The following PRKCH variants were observed in gnomAD, a reference collection of about 807,000 sequenced individuals.
PRKCH encodes the protein protein kinase C eta type.
Under a neutral mutation model 82.5 loss-of-function variants are expected in PRKCH, and 28 were observed. The ratio of observed to expected loss-of-function variants is 0.34; its 90% CI spans 0.25 to 0.47. The LOEUF is 0.47. Among genes scored for constraint, PRKCH ranks in the 20% least tolerant of loss-of-function variants. The pLI, the probability that PRKCH is intolerant of heterozygous loss-of-function variation, is 1.00. For synonymous variants in PRKCH, 322 were observed against 327.4 expected, an observed-to-expected ratio of 0.98 and a Z score of 0.18; for missense variants, 705 against 881.8, an observed-to-expected ratio of 0.80 and a Z score of 2.54.
chr14:61,532,681 T>C (rs35233887), intron 12 of PRKCH, among the ~76,000 whole-genome samples: 11,149 of 152,264 alleles, frequency 0.073, 566 homozygotes, highest in East Asian at 0.22. Context: ...GCTCAGTTAC[T>C]TCAAGCTATA....
chr14:61,548,994 C>T (rs2043294465), intron 13 of PRKCH, among the ~76,000 whole-genome samples: 3 of 151,960 alleles, frequency 2.0e-5, no homozygotes, highest in Admixed American at 2.0e-4. Flanking sequence ...CTTTTAAAAA[C>T]ATACAGTGCA....
chr14:61,513,577 A>C (rs917532785), intron 10 of PRKCH, among the ~76,000 whole-genome samples: 6 of 152,296 alleles, frequency 3.9e-5, no homozygotes, highest in Admixed American at 2.6e-4. Context: ...TTCCTTTTTC[A>C]GTCCGTTTAG....
intron 2 of PRKCH, among the ~76,000 whole-genome samples, chr14:61,395,193 G>T (rs1485924543): frequency 6.6e-6 from 1 of 151,824 alleles, no homozygotes; most frequent in Non-Finnish European, 1.5e-5. Flanking sequence ...GGCTCAGCTT[G>T]AGCTTGCACG....
chr14:61,302,994 T>G (rs1035450439), intron 1 of PRKCH: 2 of 151,516 alleles, frequency 1.3e-5, no homozygotes, highest in African/African-American at 4.9e-5. Context: ...ATTACAGATT[T>G]GTATATTTGT....
chr14:61,466,987 T>C (rs1239198650), intron 9 of PRKCH, among the ~76,000 whole-genome samples: 1 of 152,194 alleles, frequency 6.6e-6, no homozygotes, highest in East Asian at 1.9e-4. Context: ...TGGCACAAAA[T>C]GATCTCACGT....
chr14:61,468,348 G>T (rs1325660986), intron 9 of PRKCH, among the ~76,000 whole-genome samples: 3 of 151,898 alleles, frequency 2.0e-5, no homozygotes, highest in African/African-American at 7.3e-5. Context: ...TTTTTTTTAG[G>T]TTATTAATTG....
intron 1 of PRKCH, among the ~76,000 whole-genome samples, chr14:61,325,604 A>G (rs994016244): frequency 2.6e-5 from 4 of 152,218 alleles, no homozygotes; most frequent in Non-Finnish European, 4.4e-5. Context: ...TAAAAAAATC[A>G]GTAAGTTGGA....
intron 1 of PRKCH, chr14:61,277,577 C>T (rs183132113): frequency 2.0e-5 from 3 of 152,294 alleles, no homozygotes; most frequent in East Asian, 1.9e-4. Context: ...TGCAGGAAAA[C>T]GTTTCCCATT....
intron 1 of PRKCH, among the ~76,000 whole-genome samples, chr14:61,243,025 T>G (rs1221503542): frequency 2.6e-5 from 4 of 152,114 alleles, no homozygotes; most frequent in Middle Eastern, 3.4e-3. Flanking sequence ...TACAGAGAAG[T>G]CTAGAAGACT....
chr14:61,457,970 T>C (rs1884856128), intron 9 of PRKCH, among the ~76,000 whole-genome samples: 1 of 152,142 alleles, frequency 6.6e-6, no homozygotes, highest in Non-Finnish European at 1.5e-5. Flanking sequence ...GAAGTGAAGG[T>C]GAATGAAAGT....
chr14:61,325,900 A>G (rs1468891856), intron 1 of PRKCH, among the ~76,000 whole-genome samples: 4 of 152,216 alleles, frequency 2.6e-5, no homozygotes, highest in Admixed American at 2.6e-4. Flanking sequence ...AATTAAAACC[A>G]AAATGAGATC....
intron 1 of PRKCH, chr14:61,281,109 G>T (rs986879178): frequency 1.5e-5 from 21 of 1,446,108 alleles, no homozygotes; most frequent in African/African-American, 1.2e-4. Flanking sequence ...CGGTGTTGTC[G>T]GGCTGGTGGG....
intron 5 of PRKCH, among the ~76,000 whole-genome samples, chr14:61,449,815 TGCTG>T (rs1276518237): frequency 1.3e-5 from 2 of 152,044 alleles, no homozygotes; most frequent in Non-Finnish European, 2.9e-5. Context: ...GTAAAAAGAT[TGCTG>T]GCTTTCTCCA....
intron 1 of PRKCH, among the ~76,000 whole-genome samples, chr14:61,207,099 T>G (rs1366035234): frequency 2.6e-5 from 2 of 76,536 alleles, no homozygotes; most frequent in Admixed American, 2.3e-4. Flanking sequence ...AGAGTGAAAC[T>G]CCATCTCAAA....
At chr14:61,247,426 G>C (rs779634684) in intron 1 of PRKCH, among the ~76,000 whole-genome samples, 1 of 152,042 alleles carries the variant, frequency 6.6e-6, no homozygotes, top group African/African-American at 2.4e-5. Context: ...ATGATGTTTG[G>C]TAGAATGAAT....
chr14:61,524,316 C>A (rs1261303579), intron 10 of PRKCH, among the ~76,000 whole-genome samples: 1 of 152,250 alleles, frequency 6.6e-6, no homozygotes, highest in African/African-American at 2.4e-5. Flanking sequence ...CCAGCAAGAA[C>A]AATGTAGCTT....
chr14:61,290,897 A>G (rs61993663), intron 1 of PRKCH, among the ~76,000 whole-genome samples: 6,570 of 152,300 alleles, frequency 0.043, 226 homozygotes, highest in East Asian at 0.14. Flanking sequence ...ATGTTTTAAT[A>G]AGCCAGCAAG....
intron 1 of PRKCH, among the ~76,000 whole-genome samples, chr14:61,302,530 T>A (rs1203616485): frequency 1.3e-5 from 2 of 152,122 alleles, no homozygotes; most frequent in Non-Finnish European, 2.9e-5. Flanking sequence ...TTTTGGGGGG[T>A]AGGTTTGCAT....
In PRKCH at chr14:61,441,380, C is replaced by T. The variant is rs1187010429; in HGVS notation, c.428-1731C>T. The stretch of plus-strand genomic sequence containing the variant: ...GTGTGGTAGGGTCAGGACTGGAGCC[C>T]GGTTTATACTCCTACTGACAGGATG... On this transcript the variant is annotated intron_variant, in intron 2 of 13. Coordinates refer to ENST00000332981, the MANE Select transcript of PRKCH (RefSeq NM_006255.5). Among the ~76,000 whole-genome samples, 8 of 152,216 alleles carry T rather than the reference C, an allele frequency of 5.3e-5. No individual in the cohort carries two copies. In the South Asian group the frequency reaches 1.2e-3, roughly 24 times the overall value.
Sources: gnomAD v4.1 joint callset for allele counts (sites outside exome capture counted in the v4.1 genomes callset) on GRCh38, gnomAD v4.1.1 for gene constraint, MANE v1.5 for transcripts, NCBI Gene and HGNC (gene_info 2026-07-23, HGNC 2026-07-21) for gene names.